Variants in FBLN2 observed in about 807,000 individuals in gnomAD.
FBLN2 encodes the protein fibulin-2.
In FBLN2, 81 loss-of-function variants were observed where a neutral mutation model predicts 123.7. The ratio of observed to expected loss-of-function variants is 0.65; its 90% CI spans 0.55 to 0.79. The LOEUF is 0.79. Among genes scored for constraint, FBLN2 ranks in the 30% least tolerant of loss-of-function variants. FBLN2 has a pLI of 0.00. For synonymous variants in FBLN2, 699 were observed against 701.4 expected, an observed-to-expected ratio of 1.00 and a Z score of 0.05; for missense variants, 1,603 against 1,681.3, an observed-to-expected ratio of 0.95 and a Z score of 0.81.
At chr3:13,602,764 T>C (rs1162092761) in intron 2 of FBLN2, among the ~76,000 whole-genome samples, 1 of 152,224 alleles carries the variant, frequency 6.6e-6, no homozygotes, top group African/African-American at 2.4e-5. Context: ...TATTGTATTA[T>C]AGTCATTATT....
At chr3:13,624,287 T>C (rs1452296293) in intron 9 of FBLN2, among the ~76,000 whole-genome samples, 2 of 152,180 alleles carry the variant, frequency 1.3e-5, no homozygotes, top group Non-Finnish European at 2.9e-5. Flanking sequence ...TGCAGAACGA[T>C]GTCCTCTAAA....
chr3:13,637,266 A>C (rs1706507958), intron 17 of FBLN2, among the ~76,000 whole-genome samples: 1 of 152,174 alleles, frequency 6.6e-6, no homozygotes, highest in Non-Finnish European at 1.5e-5. Flanking sequence ...GAAGAATGGG[A>C]GGATGGCAGG....
At chr3:13,630,931 GA>G (rs991743195) in intron 15 of FBLN2, 116 bp downstream of exon 15, 14 of 798,458 alleles carry the variant, frequency 1.8e-5, no homozygotes, top group Non-Finnish European at 2.2e-5. Context: ...CATCAGATCT[GA>G]GTTCAAGCCC....
Position 13,636,327 on chromosome 3 carries a change from G to T in FBLN2, c.3215-118G>T, listed in dbSNP as rs193082583. The T allele has an allele frequency of 1.8e-4, 224 of 1,261,256 alleles. No homozygotes were observed. The African/African-American group carries it at 3.1e-3, about 18-fold the overall frequency. 78.1% of individuals were successfully genotyped at this position (1,261,256 alleles called of 1,614,324 possible). ...GGGGCATGTGTGTGCAGGGAGGCAC[G>T]CGGGCTATTCTCACAGGTCCGGCTG... is the stretch of plus-strand genomic sequence containing the variant. On this transcript the variant is annotated intron_variant, in intron 16 of 17. Coordinates refer to ENST00000404922, the MANE Select transcript of FBLN2 (RefSeq NM_001004019.2).
At chr3:13,567,117 C>T (rs1703770463) in intron 1 of FBLN2, among the ~76,000 whole-genome samples, 1 of 147,594 alleles carries the variant, frequency 6.8e-6, no homozygotes, top group Non-Finnish European at 1.5e-5. Flanking sequence ...TGCTGGGGGC[C>T]TGGGGGGCCA....
chr3:13,556,760 G>T (rs963094612), intron 1 of FBLN2, among the ~76,000 whole-genome samples: 4 of 152,194 alleles, frequency 2.6e-5, no homozygotes, highest in African/African-American at 4.8e-5. Flanking sequence ...TATGACCTGG[G>T]CTTGGTCCCC....
intron 1 of FBLN2, 61 bp downstream of exon 1, chr3:13,549,269 A>C (rs1703259167): frequency 1.0e-6 from 1 of 961,054 alleles, no homozygotes; most frequent in African/African-American, 1.8e-5. Context: ...CTCGCAGCTC[A>C]GGACTCGGGG....
chr3:13,595,787 C>A (rs1257042952), intron 2 of FBLN2, among the ~76,000 whole-genome samples: 1 of 152,156 alleles, frequency 6.6e-6, no homozygotes, highest in Non-Finnish European at 1.5e-5. Flanking sequence ...TCAGGGAACC[C>A]ATTGTCCTAT....
intron 2 of FBLN2, among the ~76,000 whole-genome samples, chr3:13,605,076 C>T (rs898658425): frequency 5.3e-5 from 8 of 152,152 alleles, no homozygotes; most frequent in Admixed American, 1.3e-4. Flanking sequence ...TCAGTGGTAA[C>T]GCTGAGATGT....
rs74731645 is a variant in FBLN2 at position 13,634,817 on chromosome 3, G to A, written c.3215-1628G>A. Reference sequence around the variant, plus strand: ...CGGTCCGGGGGTATTGAGTCCTGGCGTTGCCCTGGCAGCTATGTGACCCTG... The same window carrying A: ...CGGTCCGGGGGTATTGAGTCCTGGCATTGCCCTGGCAGCTATGTGACCCTG... On this transcript the variant is annotated intron_variant, in intron 16 of 17. Transcript: ENST00000404922. 2.5e-3 allele frequency among the ~76,000 whole-genome samples: 374 copies of A among 152,336 alleles called. 4 individuals are homozygous for A. The highest frequency in any genetic ancestry group is 8.6e-3 in the African/African-American group (358 of 41,578).
intron 13 of FBLN2, 103 bp from the exon 14 acceptor site, chr3:13,629,717 C>T: frequency 7.0e-7 from 1 of 1,436,158 alleles, no homozygotes; most frequent in Non-Finnish European, 9.3e-7. Flanking sequence ...CTTCTGGGTC[C>T]CTCTCCCACT....
chr3:13,554,203 C>T (rs1261230956), intron 1 of FBLN2, among the ~76,000 whole-genome samples: 1 of 152,222 alleles, frequency 6.6e-6, no homozygotes, highest in African/African-American at 2.4e-5. Flanking sequence ...CTGGCCGTAG[C>T]TGGTTCTTGA....
intron 2 of FBLN2, 73 bp from the exon 3 acceptor site, chr3:13,607,989 G>C: frequency 8.1e-7 from 1 of 1,233,120 alleles, no homozygotes; most frequent in Non-Finnish European, 1.2e-6. Flanking sequence ...AAGGAGACCT[G>C]GACAGGCCCC....
At chr3:13,559,815 G>C (rs936778950) in intron 1 of FBLN2, among the ~76,000 whole-genome samples, 2 of 152,252 alleles carry the variant, frequency 1.3e-5, no homozygotes, top group Admixed American at 6.5e-5. Flanking sequence ...GAGAGGTGAT[G>C]AGCAGTCCCT....
At chr3:13,562,194 T>C (rs1310336559) in intron 1 of FBLN2, among the ~76,000 whole-genome samples, 1 of 152,196 alleles carries the variant, frequency 6.6e-6, no homozygotes, top group Non-Finnish European at 1.5e-5. Flanking sequence ...AGCATACTGC[T>C]AAGGGGAGGT....
intron 7 of FBLN2, among the ~76,000 whole-genome samples, chr3:13,619,279 C>T (rs1346595940): frequency 6.6e-6 from 1 of 152,214 alleles, no homozygotes; most frequent in Non-Finnish European, 1.5e-5. Flanking sequence ...TGTCTCCATT[C>T]TTGTAACGTT....
rs28587534 is a variant in FBLN2, at chr3:13,570,786, A to T, written c.431A>T (p.His144Leu). 2 of 1,597,948 alleles carry T rather than the reference A, an allele frequency of 1.3e-6. No homozygotes were observed. The highest frequency in any genetic ancestry group is 2.7e-5 in the African/African-American group (2 of 74,564). ...CAGGTGGGCTGCGTCCACGCGGGCC[A>T]CAAGTACGCCGCTGGCCACACTGTT... is the stretch of plus-strand genomic sequence containing the variant. ...CGQVGCVHAG[H>L]KYAAGHTVHL... The change falls in exon 2 of 18, where the codon CAC becomes CTC. Residue 144 changes from histidine (H) to leucine (L), a missense_variant. Coordinates refer to ENST00000404922, the MANE Select transcript of FBLN2 (RefSeq NM_001004019.2).
chr3:13,562,088 A>G (rs1703624605), intron 1 of FBLN2, among the ~76,000 whole-genome samples: 1 of 152,224 alleles, frequency 6.6e-6, no homozygotes, highest in Admixed American at 6.5e-5. Context: ...TGCCAAGAGC[A>G]AGTTTATTTT....
chr3:13,636,329 G>A (rs760206460), intron 16 of FBLN2, 116 bp from the exon 17 acceptor site: 83 of 1,282,558 alleles, frequency 6.5e-5, no homozygotes, highest in South Asian at 4.2e-4. Flanking sequence ...GGAGGCACGC[G>A]GGCTATTCTC....
Sources: allele counts gnomAD v4.1 joint callset (sites outside exome capture counted in the v4.1 genomes callset), GRCh38; gene constraint gnomAD v4.1.1; transcripts MANE v1.5; gene names NCBI Gene and HGNC (gene_info 2026-07-23, HGNC 2026-07-21).